Variants in USH2A observed in about 807,000 individuals in gnomAD.
USH2A encodes the protein Usher syndrome 2A (autosomal recessive, mild).
In USH2A, 443 loss-of-function variants were observed where a neutral mutation model predicts 538.9. The observed-to-expected ratio is 0.82, with a 90% CI of 0.76 to 0.89. The LOEUF is 0.89. USH2A is among the 40% of genes least tolerant of loss of function. USH2A has a pLI of 0.00. For missense variants in USH2A, 6,633 were observed against 6,324.8 expected, an observed-to-expected ratio of 1.05 and a Z score of -1.65; for synonymous variants, 2,413 against 2,273.5, an observed-to-expected ratio of 1.06 and a Z score of -1.75.
intron 61 of USH2A, among the ~76,000 whole-genome samples, chr1:215,726,328 G>T (rs1313424304): frequency 6.6e-6 from 1 of 152,004 alleles, no homozygotes; most frequent in Non-Finnish European, 1.5e-5. Flanking sequence ...AAAGACTCTA[G>T]TACATAATTT....
chr1:216,207,272 C>A lies in USH2A; in HGVS notation c.3316+1G>T, dbSNP rs2035134428. 2 of 1,613,938 alleles carry A rather than the reference C, an allele frequency of 1.2e-6. No individual in the cohort carries two copies. Among genetic ancestry groups the A allele is most frequent in the Non-Finnish European group, 1.7e-6 (2 of 1,179,876 alleles). ...TTCTATTACCAAACCCTTAAACTCA[C>A]TGTATGGGTATTGATCCTCTGTTGT... On this transcript the variant is annotated splice_donor_variant, in intron 16 of 71. Coordinates refer to ENST00000307340, the MANE Select transcript of USH2A (RefSeq NM_206933.4). LOFTEE classifies it high-confidence loss of function.
At chr1:216,076,490 C>G (rs1428112882) in intron 27 of USH2A, among the ~76,000 whole-genome samples, 1 of 152,002 alleles carries the variant, frequency 6.6e-6, no homozygotes, top group African/African-American at 2.4e-5. Context: ...AAGAACAAGG[C>G]TGTACATGCA....
chr1:215,980,523 G>A (rs745582815), intron 35 of USH2A, among the ~76,000 whole-genome samples: 28 of 151,982 alleles, frequency 1.8e-4, no homozygotes, highest in Non-Finnish European at 2.9e-4. Context: ...CATCACTCAC[G>A]TTGAAAAAAT....
At chr1:216,289,030 C>A (rs184511667) in intron 11 of USH2A, among the ~76,000 whole-genome samples, 2 of 152,102 alleles carry the variant, frequency 1.3e-5, no homozygotes, top group East Asian at 3.9e-4. Context: ...GAACCCCTAC[C>A]CTTCGATTTT....
At chr1:215,988,817 G>A (rs1264374173) in intron 35 of USH2A, among the ~76,000 whole-genome samples, 3 of 152,194 alleles carry the variant, frequency 2.0e-5, no homozygotes, top group South Asian at 2.1e-4. Context: ...CATGAAGTAT[G>A]TACTGAACCA....
At chr1:215,873,311 C>G (rs1298311169) in intron 43 of USH2A, among the ~76,000 whole-genome samples, 1 of 152,180 alleles carries the variant, frequency 6.6e-6, no homozygotes, top group East Asian at 1.9e-4. Context: ...TTAACAGGAT[C>G]TATCTCATCT....
chr1:216,164,532 AG>A (rs2034129139), intron 21 of USH2A, among the ~76,000 whole-genome samples: 1 of 152,144 alleles, frequency 6.6e-6, no homozygotes, highest in African/African-American at 2.4e-5. Context: ...TTATGAAGAC[AG>A]GGGGAATAAT....
intron 37 of USH2A, among the ~76,000 whole-genome samples, chr1:215,943,083 A>G (rs1490103431): frequency 6.6e-6 from 1 of 152,214 alleles, no homozygotes; most frequent in African/African-American, 2.4e-5. Context: ...AGCACCAGAA[A>G]GGAAAGGAAG....
At chr1:216,009,136 C>T (rs893123321) in intron 32 of USH2A, among the ~76,000 whole-genome samples, 37 of 151,928 alleles carry the variant, frequency 2.4e-4, no homozygotes, top group Admixed American at 6.6e-5. Context: ...TATCTCTGTG[C>T]CCCAATCCCT....
intron 11 of USH2A, among the ~76,000 whole-genome samples, chr1:216,264,347 G>C (rs956864812): frequency 3.3e-5 from 5 of 151,826 alleles, no homozygotes; most frequent in Admixed American, 1.3e-4. Context: ...ACCCAGGCTG[G>C]AGTGCAATGG....
chr1:215,975,225 T>C (rs929209556), intron 35 of USH2A, among the ~76,000 whole-genome samples: 3 of 152,160 alleles, frequency 2.0e-5, no homozygotes, highest in African/African-American at 7.2e-5. Flanking sequence ...TCTGGATATT[T>C]GACCTTTGTC....
At chr1:216,251,307 T>C (rs1371380754) in intron 11 of USH2A, among the ~76,000 whole-genome samples, 2 of 151,664 alleles carry the variant, frequency 1.3e-5, no homozygotes, top group African/African-American at 4.9e-5. Flanking sequence ...CCCATAGAAG[T>C]TAGTCGTATA....
At chr1:215,641,151 A>G (rs1255007027) in intron 67 of USH2A, among the ~76,000 whole-genome samples, 2 of 152,200 alleles carry the variant, frequency 1.3e-5, no homozygotes, top group Non-Finnish European at 2.9e-5. Context: ...GCTATTTTTC[A>G]TATCAAATCA....
intron 3 of USH2A, among the ~76,000 whole-genome samples, chr1:216,381,380 AT>A (rs1368257997): frequency 6.6e-6 from 1 of 152,176 alleles, no homozygotes; most frequent in Non-Finnish European, 1.5e-5. Context: ...AGGGAAGGAA[AT>A]TTCATTCTCT....
intron 3 of USH2A, among the ~76,000 whole-genome samples, chr1:216,391,910 T>G (rs1417829775): frequency 6.6e-6 from 1 of 152,182 alleles, no homozygotes. Flanking sequence ...AAACATGTGT[T>G]GAGTTCCAAA....
In USH2A at chr1:216,250,910, G is replaced by T; in HGVS notation, c.2160C>A (p.Asn720Lys). The T allele has an allele frequency of 1.2e-6, 2 of 1,613,858 alleles. No homozygotes were observed. The highest frequency in any genetic ancestry group is 1.7e-6 in the Non-Finnish European group (2 of 1,179,924). The change falls in exon 12 of 72, where the codon AAC (asparagine) becomes AAA (lysine). Residue 720 changes from asparagine (N) to lysine (K), a missense_variant. Coordinates refer to ENST00000307340, the MANE Select transcript of USH2A (RefSeq NM_206933.4). ...QNSGQCKCKA[N>K]VIGLRCDHCN... Reference sequence around the variant, plus strand: ...CTTTTGCGTTACACGTACCAATAACGTTTGCTTTGCACTTGCACTGGCCTG... The same window carrying T: ...CTTTTGCGTTACACGTACCAATAACTTTTGCTTTGCACTTGCACTGGCCTG...
At chr1:215,898,650 G>C (rs1467878747) in intron 40 of USH2A, among the ~76,000 whole-genome samples, 1 of 152,142 alleles carries the variant, frequency 6.6e-6, no homozygotes. Context: ...GCAGTGGGTT[G>C]AATAATTATT....
At chr1:216,058,985 A>G (rs1416608388) in intron 30 of USH2A, among the ~76,000 whole-genome samples, 3 of 152,216 alleles carry the variant, frequency 2.0e-5, no homozygotes, top group Non-Finnish European at 2.9e-5. Context: ...GTGCACAGAG[A>G]GTACCATAGG....
At chr1:216,021,608 C>G (rs1490992767) in intron 32 of USH2A, among the ~76,000 whole-genome samples, 2 of 152,170 alleles carry the variant, frequency 1.3e-5, no homozygotes, top group African/African-American at 4.8e-5. Flanking sequence ...CCCTGGATAT[C>G]TAGCCTGCTA....
Sources: allele counts gnomAD v4.1 joint callset (sites outside exome capture counted in the v4.1 genomes callset), GRCh38; gene constraint gnomAD v4.1.1; transcripts MANE v1.5; gene names NCBI Gene and HGNC (gene_info 2026-07-23, HGNC 2026-07-21).